The following ROBO2 variants were observed in gnomAD, a reference collection of about 807,000 sequenced individuals.
ROBO2 encodes roundabout homolog 2.
Under a neutral mutation model 160.8 loss-of-function variants are expected in ROBO2, and 53 were observed. That is an observed-to-expected ratio of 0.33 (90% CI 0.26 to 0.41). The LOEUF (loss-of-function observed/expected upper bound fraction) is 0.41, where lower values mean the gene tolerates loss of function less well. ROBO2 is among the 10% of genes least tolerant of loss of function. The pLI is 1.00. For synonymous variants in ROBO2, 664 were observed against 611.7 expected (o/e 1.09, Z -1.26); for missense variants, 1,577 against 1,722.4 (o/e 0.92, Z 1.49).
At chr3:77,165,024 A>G (rs1256871565) in intron 2 of ROBO2, among the ~76,000 whole-genome samples, 1 of 150,742 alleles carries the variant, frequency 6.6e-6, no homozygotes, top group Non-Finnish European at 1.5e-5. Context: ...GGAGGTGAGG[A>G]GCCCCTCTGC....
chr3:77,360,041 T>G (rs2069702678), intron 2 of ROBO2, among the ~76,000 whole-genome samples: 1 of 152,106 alleles, frequency 6.6e-6, no homozygotes, highest in African/African-American at 2.4e-5. Flanking sequence ...GTGTAGAAGT[T>G]GAAGTACTAA....
At chr3:77,553,828 A>C (rs77944520) in intron 8 of ROBO2, among the ~76,000 whole-genome samples, 2 of 151,928 alleles carry the variant, frequency 1.3e-5, no homozygotes, top group Non-Finnish European at 2.9e-5. Context: ...TTTGAGGAAA[A>C]AAGCCATCTT....
At chr3:76,688,602 GGTGTGTGTGT>G (rs111250460) in intron 2 of ROBO2, among the ~76,000 whole-genome samples, 1 of 148,658 alleles carries the variant, frequency 6.7e-6, no homozygotes, top group African/African-American at 2.5e-5. Context: ...AAATTTTAGT[GGTGTGTGTGT>G]GTGTGTGTGT....
chr3:77,631,302 C>T (rs2095157370), intron 23 of ROBO2: 2 of 152,066 alleles, frequency 1.3e-5, no homozygotes, highest in South Asian at 4.2e-4. Flanking sequence ...ATCCTGGCCT[C>T]TTGACTAAAA....
At position 77,619,275 on chromosome 3, in the gene ROBO2, C is replaced by G. The variant is rs568476142; in HGVS notation, c.3554+1502C>G. ...CATATAGGAAATTAGAGGGCAGTCCCCAAGACAACCTATATTTCTGATACC... is the reference window on the plus strand; with the variant it reads ...CATATAGGAAATTAGAGGGCAGTCCGCAAGACAACCTATATTTCTGATACC... On this transcript the variant is annotated intron_variant, in intron 22 of 25. Coordinates refer to ENST00000461745, the Ensembl canonical transcript of ROBO2. 2.0e-5 allele frequency among the ~76,000 whole-genome samples: 3 copies of G among 152,214 alleles called. No individual in the cohort carries two copies. In the East Asian group the frequency reaches 5.8e-4, roughly 29 times the overall value.
At chr3:76,162,051 C>T (rs2072660558) in intron 2 of ROBO2, among the ~76,000 whole-genome samples, 1 of 152,096 alleles carries the variant, frequency 6.6e-6, no homozygotes, top group Non-Finnish European at 1.5e-5. Flanking sequence ...CTCTTGCTAC[C>T]ATGAGTCATG....
chr3:77,018,903 C>G (rs571315476), intron 2 of ROBO2, among the ~76,000 whole-genome samples: 1 of 152,116 alleles, frequency 6.6e-6, no homozygotes, highest in Non-Finnish European at 1.5e-5. Context: ...GGTAATCTGG[C>G]CGCATTGCCT....
intron 4 of ROBO2, among the ~76,000 whole-genome samples, chr3:77,492,617 T>A (rs1054765992): frequency 2.6e-5 from 4 of 152,022 alleles, no homozygotes; most frequent in Admixed American, 6.5e-5. Context: ...AAAAAATTGA[T>A]AAATAAATAG....
At chr3:77,322,794 T>C (rs969382227) in intron 2 of ROBO2, among the ~76,000 whole-genome samples, 2 of 134,642 alleles carry the variant, frequency 1.5e-5, no homozygotes, top group African/African-American at 5.5e-5. Flanking sequence ...TAATATATTA[T>C]GTAATATATT....
intron 2 of ROBO2, among the ~76,000 whole-genome samples, chr3:77,205,367 C>A (rs1174742939): frequency 6.6e-6 from 1 of 151,998 alleles, no homozygotes; most frequent in East Asian, 2.0e-4. Context: ...GCACCCCCAG[C>A]AGAACTCAGC....
intron 2 of ROBO2, among the ~76,000 whole-genome samples, chr3:76,016,037 A>G (rs1160690979): frequency 6.6e-6 from 1 of 152,210 alleles, no homozygotes; most frequent in Non-Finnish European, 1.5e-5. Flanking sequence ...CCAAGCTAGT[A>G]AATACACCAT....
intron 2 of ROBO2, among the ~76,000 whole-genome samples, chr3:76,456,898 C>G (rs2077789285): frequency 6.6e-6 from 1 of 152,154 alleles, no homozygotes; most frequent in Non-Finnish European, 1.5e-5. Flanking sequence ...ATAAACCCAT[C>G]AGAGCTCGTG....
At chr3:75,968,683 T>G (rs572066914) in intron 2 of ROBO2, among the ~76,000 whole-genome samples, 16 of 151,704 alleles carry the variant, frequency 1.1e-4, no homozygotes, top group Non-Finnish European at 2.1e-4. Context: ...AGATACAACT[T>G]ACTCATCCTA....
chr3:76,241,393 C>A (rs1374256612), intron 2 of ROBO2, among the ~76,000 whole-genome samples: 1 of 152,194 alleles, frequency 6.6e-6, no homozygotes, highest in African/African-American at 2.4e-5. Context: ...ACTTACTGGT[C>A]ATTTGCTATG....
chr3:77,356,869 C>T (rs537868102), intron 2 of ROBO2, among the ~76,000 whole-genome samples: 1 of 151,846 alleles, frequency 6.6e-6, no homozygotes, highest in African/African-American at 2.4e-5. Flanking sequence ...TTTTCTGTTT[C>T]CTGATGGTTT....
chr3:77,183,877 A>G (rs2081036299), intron 2 of ROBO2, among the ~76,000 whole-genome samples: 1 of 152,062 alleles, frequency 6.6e-6, no homozygotes, highest in African/African-American at 2.4e-5. Context: ...ATATGCCACA[A>G]TTCACAAGTT....
At chr3:77,554,681 A>G (rs964884065) in intron 8 of ROBO2, among the ~76,000 whole-genome samples, 1 of 151,982 alleles carries the variant, frequency 6.6e-6, no homozygotes, top group African/African-American at 2.4e-5. Context: ...CTAGAATTAG[A>G]AGTGGATCCC....
chr3:77,445,971 G>C (rs2153558235), intron 2 of ROBO2, among the ~76,000 whole-genome samples: 1 of 151,936 alleles, frequency 6.6e-6, no homozygotes, highest in African/African-American at 2.4e-5. Context: ...GACTCATTTA[G>C]ACTTATGCCT....
intron 2 of ROBO2, among the ~76,000 whole-genome samples, chr3:77,146,643 A>G (rs1026314631): frequency 6.6e-6 from 1 of 151,770 alleles, no homozygotes; most frequent in East Asian, 1.9e-4. Flanking sequence ...AAAAAACAAC[A>G]TGAAATTCAG....
Sources: gnomAD v4.1 joint callset for allele counts (sites outside exome capture counted in the v4.1 genomes callset) on GRCh38, gnomAD v4.1.1 for gene constraint, MANE v1.5 for transcripts, NCBI Gene and HGNC (gene_info 2026-07-23, HGNC 2026-07-21) for gene names.